ZNF43: variants seen among roughly 807,000 people sequenced by gnomAD.
ZNF43 encodes the protein zinc finger protein 43.
A neutral mutation model predicts 68.4 loss-of-function variants in ZNF43; 44 were observed. The observed-to-expected ratio is 0.64, with a 90% CI of 0.51 to 0.83. The LOEUF is 0.83. Among genes scored for constraint, ZNF43 ranks in the 40% least tolerant of loss-of-function variants. The probability of loss-of-function intolerance (pLI) is 0.00; values close to 1 mark genes in which losing one functional copy is unlikely to be tolerated. For synonymous variants in ZNF43, 308 were observed against 307.8 expected, an observed-to-expected ratio of 1.00 and a Z score of -0.01; for missense variants, 896 against 933.2, an observed-to-expected ratio of 0.96 and a Z score of 0.52.
chr19:21,826,202 A>G (rs1390181969), intron 1 of ZNF43, among the ~76,000 whole-genome samples: 2 of 152,212 alleles, frequency 1.3e-5, no homozygotes, highest in Non-Finnish European at 2.9e-5. Context: ...TTTAGGGGAC[A>G]TCATACACTT....
intron 3 of ZNF43, 83 bp from the exon 4 acceptor site, chr19:21,809,890 A>G (rs2037196596): frequency 7.7e-7 from 1 of 1,304,662 alleles, no homozygotes. Context: ...AAATCACACA[A>G]GCTACATAAG....
chr19:21,809,095 G>A lies in ZNF43; in HGVS notation c.942C>T (p.Tyr314=). 6.2e-7 allele frequency: 1 copy of A among 1,613,516 alleles called. No homozygotes were observed. Among genetic ancestry groups the A allele is most frequent in the Non-Finnish European group, 8.5e-7 (1 of 1,179,872 alleles). The change falls in exon 4 of 4, where the codon TAC becomes TAT. Residue 314 remains tyrosine, a synonymous_variant. Coordinates refer to ENST00000354959, the MANE Select transcript of ZNF43 (RefSeq NM_003423.4). ...HKKIHPGEKP[Y]KCEECGKAFN... ...AGGCTTTGCCACATTCTTCACATTT[G>A]TAAGGTTTCTCTCCAGGATGAATTT... is the stretch of plus-strand genomic sequence containing the variant.
At chr19:21,820,054 C>T (rs2037721730) in intron 1 of ZNF43, among the ~76,000 whole-genome samples, 1 of 151,384 alleles carries the variant, frequency 6.6e-6, no homozygotes. Flanking sequence ...CAAAAATTAG[C>T]CAAGCGTGGT....
rs144230965 is a variant in ZNF43 at position 21,814,157 on chromosome 19, A to T, written c.229+3731T>A. Among the ~76,000 whole-genome samples, 831 of 152,312 alleles carry T rather than the reference A, an allele frequency of 5.5e-3. 5 individuals carry two copies. Among genetic ancestry groups the T allele is most frequent in the African/African-American group, 0.019 (800 of 41,562 alleles). On this transcript the variant is annotated intron_variant, in intron 3 of 3. Transcript: ENST00000354959. ...AAAAAACAAAAAAATACAGCATTAT[A>T]AACTTTTTAAAAAATTACCCTCAAA...
In ZNF43 at chr19:21,807,502, A is replaced by T. The variant is rs2036993164; in HGVS notation, c.*105T>A. 9.8e-6 allele frequency: 11 copies of T among 1,122,046 alleles called. No individual in the cohort carries two copies. In the South Asian group the frequency reaches 1.9e-4, roughly 20 times the overall value. 69.5% of individuals were successfully genotyped at this position (1,122,046 alleles called of 1,614,324 possible). ...GTTTTGCCACATTCTTCACACTTGT[A>T]GAAGTTTACTCCAATGTAAATTATC... On this transcript the variant is annotated 3_prime_UTR_variant, in exon 4 of 4. Coordinates refer to ENST00000354959, the MANE Select transcript of ZNF43 (RefSeq NM_003423.4).
chr19:21,825,639 G>A (rs1196678868), intron 1 of ZNF43, among the ~76,000 whole-genome samples: 2 of 150,042 alleles, frequency 1.3e-5, no homozygotes, highest in Non-Finnish European at 2.9e-5. Context: ...TTTAGCAAGA[G>A]GAAGAAAGTG....
chr19:21,821,183 C>T (rs182163137), intron 1 of ZNF43, among the ~76,000 whole-genome samples: 184 of 143,386 alleles, frequency 1.3e-3, no homozygotes, highest in Middle Eastern at 3.8e-3. Context: ...CTCGCTCAGT[C>T]GCCCAGGCTA....
At position 21,852,000 on chromosome 19, in the gene ZNF43, G is replaced by T. The variant is rs549731793; in HGVS notation, c.-66C>A. The T allele has an allele frequency of 6.7e-5, 101 of 1,503,274 alleles. No individual in the cohort carries two copies. The African/African-American group carries it at 1.2e-3, about 19-fold the overall frequency. 93.1% of individuals were successfully genotyped at this position (1,503,274 alleles called of 1,614,324 possible). A position where few individuals can be genotyped will look rare whatever the true frequency, so the allele number is the denominator to read the frequency against. ...ACGGAGGCTGCGACAAAGTCACCGG[G>T]GATTCCCGAGTTGGAGAACGCGGAA... On this transcript the variant is annotated 5_prime_UTR_variant, in exon 1 of 4. Transcript: ENST00000357491.
upstream of ZNF43, chr19:21,836,267 T>C: frequency 7.3e-7 from 1 of 1,366,540 alleles, no homozygotes; most frequent in Non-Finnish European, 9.5e-7. Flanking sequence ...CGTCCCTGAT[T>C]GGATAACTTC....
chr19:21,843,981 A>G (rs1967724382), intron 1 of ZNF43, among the ~76,000 whole-genome samples: 1 of 151,864 alleles, frequency 6.6e-6, no homozygotes, highest in Non-Finnish European at 1.5e-5. Context: ...GGTTGCGCAT[A>G]TGAGTATAAC....
Position 21,809,370 on chromosome 19 carries a change from T to C in ZNF43, c.667A>G (p.Ile223Val). ...GTGTAGGGTTTCTCTCCAGTATTAA[T>C]TCTCTTATGTTTAGTGATGATTGAA... ...CPSIITKHKR[I>V]NTGEKPYTCE... The change falls in exon 4 of 4, where the codon ATT becomes GTT. Residue 223 changes from isoleucine (I) to valine (V), a missense_variant. Physicochemically the swap from Ile to Val is conservative, Grantham distance 29. Transcript: ENST00000354959. 1 of 1,613,738 alleles carries C rather than the reference T, an allele frequency of 6.2e-7. No homozygotes were observed. The highest frequency in any genetic ancestry group is 8.5e-7 in the Non-Finnish European group (1 of 1,179,872).
intron 1 of ZNF43, among the ~76,000 whole-genome samples, chr19:21,825,514 GTTTTT>G (rs976374499): frequency 6.6e-6 from 1 of 151,730 alleles, no homozygotes; most frequent in African/African-American, 2.4e-5. Flanking sequence ...TCAGATTAAA[GTTTTT>G]TTTTATTTCT....
At chr19:21,818,989 T>C (rs2037662870) in intron 2 of ZNF43, 106 bp downstream of exon 2, 1 of 1,449,670 alleles carries the variant, frequency 6.9e-7, no homozygotes, top group South Asian at 1.4e-5. Context: ...AACAGGAATC[T>C]GAAACTCATG....
chr19:21,830,018 G>A (rs1482741874), intron 1 of ZNF43, among the ~76,000 whole-genome samples: 1 of 152,100 alleles, frequency 6.6e-6, no homozygotes, highest in Non-Finnish European at 1.5e-5. Flanking sequence ...TTGGGAGGCC[G>A]AGGTGGGCAG....
chr19:21,829,647 C>A (rs1354911681), intron 1 of ZNF43, among the ~76,000 whole-genome samples: 3 of 152,102 alleles, frequency 2.0e-5, no homozygotes, highest in East Asian at 1.9e-4. Context: ...ATAAAAATAT[C>A]TCCATATAAT....
Position 21,817,889 on chromosome 19 carries a change from T to TG in ZNF43, c.227dup (p.Val77SerfsTer29), listed in dbSNP as rs768339396. 1 of 1,612,242 alleles carries TG rather than the reference T, an allele frequency of 6.2e-7. No homozygotes were observed. The highest frequency in any genetic ancestry group is 1.1e-5 in the South Asian group (1 of 91,058). The stretch of plus-strand genomic sequence containing the variant: ...GTATTCACTTTCACTCTCACCTACC[T>TG]GGGGGTTTGGCTACCATTTCATGTC... On this transcript the variant is annotated frameshift_variant and splice_region_variant, in exon 3 of 4. Transcript: ENST00000354959. LOFTEE classifies it high-confidence loss of function.
intron 1 of ZNF43, among the ~76,000 whole-genome samples, chr19:21,825,847 TCAAGAC>T (rs1441654284): frequency 6.6e-6 from 1 of 152,014 alleles, no homozygotes; most frequent in Non-Finnish European, 1.5e-5. Context: ...GGTCAAGAGA[TCAAGAC>T]CAATCCAGCC....
At chr19:21,819,301 G>C (rs979477012) in intron 1 of ZNF43, 80 bp from the exon 2 acceptor site, 10 of 1,459,810 alleles carry the variant, frequency 6.9e-6, no homozygotes, top group Non-Finnish European at 8.2e-6. Flanking sequence ...TTGACTCAAG[G>C]TAAAATGAGA....
intron 1 of ZNF43, among the ~76,000 whole-genome samples, chr19:21,844,921 A>AAAAAAAAATATAT (rs1310761266): frequency 1.2e-4 from 3 of 26,044 alleles, no homozygotes; most frequent in African/African-American, 6.5e-4. Context: ...AAAAAAAAAA[A>AAAAAAAAATATAT]ATATATATAT....
Sources: gnomAD v4.1 joint callset for allele counts (sites outside exome capture counted in the v4.1 genomes callset) on GRCh38, gnomAD v4.1.1 for gene constraint, MANE v1.5 for transcripts, NCBI Gene and HGNC (gene_info 2026-07-23, HGNC 2026-07-21) for gene names.